The following TRERF1 variants were observed in gnomAD, a reference collection of about 807,000 sequenced individuals.
The protein encoded by TRERF1 is transcriptional regulating factor 1.
A neutral mutation model predicts 122.9 loss-of-function variants in TRERF1; 27 were observed. The observed-to-expected ratio is 0.22, with a 90% CI of 0.16 to 0.30. The LOEUF is 0.30. TRERF1 is among the 10% of genes least tolerant of loss of function. TRERF1 has a pLI of 1.00. For missense variants in TRERF1, 1,248 were observed against 1,560.3 expected, an observed-to-expected ratio of 0.80 and a Z score of 3.37; for synonymous variants, 636 against 641.7, an observed-to-expected ratio of 0.99 and a Z score of 0.13.
At chr6:42,359,557 C>G (rs1326591631) in intron 3 of TRERF1, among the ~76,000 whole-genome samples, 2 of 152,172 alleles carry the variant, frequency 1.3e-5, no homozygotes, top group East Asian at 3.9e-4. Flanking sequence ...AACCCCATCT[C>G]TACTAAAAAT....
rs967748111 is a variant in TRERF1 at position 42,318,260 on chromosome 6, G to A, written c.-370-17511C>T. ...TCCATATTCTCCAAGGTCTTATTTC[G>A]CTGAATACAAGTAGTTTTAAACCAG... is the stretch of plus-strand genomic sequence containing the variant. On this transcript the variant is annotated intron_variant, in intron 3 of 17. Transcript: ENST00000372922. 9.9e-5 allele frequency among the ~76,000 whole-genome samples: 15 copies of A among 152,032 alleles called. No individual in the cohort carries two copies. The South Asian group carries it at 1.0e-3, about 10-fold the overall frequency.
chr6:42,264,976 A>G, intron 6 of TRERF1, 122 bp from the exon 7 acceptor site: 9 of 1,087,540 alleles, frequency 8.3e-6, no homozygotes, highest in Non-Finnish European at 1.2e-5. Flanking sequence ...CCCATTGTCC[A>G]TGGCACCACT....
At chr6:42,443,157 CAT>C in intron 2 of TRERF1, among the ~76,000 whole-genome samples, 1 of 152,188 alleles carries the variant, frequency 6.6e-6, no homozygotes, top group East Asian at 1.9e-4. Context: ...ATCAACGACA[CAT>C]ATTTATTATA....
chr6:42,290,741 C>CTTTTTT (rs144168592), intron 4 of TRERF1, among the ~76,000 whole-genome samples: 74 of 92,398 alleles, frequency 8.0e-4, no homozygotes, highest in African/African-American at 1.3e-3. Context: ...CATTTCTTTC[C>CTTTTTT]TTTTTTTTTT....
chr6:42,388,018 G>A (rs2151212547), intron 2 of TRERF1, among the ~76,000 whole-genome samples: 1 of 152,176 alleles, frequency 6.6e-6, no homozygotes, highest in African/African-American at 2.4e-5. Flanking sequence ...TTGTTGCCCA[G>A]GCTGGCGATC....
intron 3 of TRERF1, among the ~76,000 whole-genome samples, chr6:42,308,189 C>G (rs1179686165): frequency 2.0e-5 from 3 of 152,156 alleles, no homozygotes; most frequent in African/African-American, 7.2e-5. Flanking sequence ...AAACATTATT[C>G]ACAGAGCTGA....
chr6:42,293,806 A>T (rs1784667260), intron 4 of TRERF1, among the ~76,000 whole-genome samples: 1 of 140,532 alleles, frequency 7.1e-6, no homozygotes, highest in Non-Finnish European at 1.5e-5. Context: ...ACCCGGACCA[A>T]ACAGAAAGAG....
At chr6:42,357,630 C>T (rs1770854443) in intron 3 of TRERF1, among the ~76,000 whole-genome samples, 1 of 152,306 alleles carries the variant, frequency 6.6e-6, no homozygotes, top group Middle Eastern at 3.4e-3. Flanking sequence ...AGGAAGGCAA[C>T]CAACTTGCTT....
chr6:42,422,013 C>CA (rs1306575198), intron 2 of TRERF1, among the ~76,000 whole-genome samples: 3 of 149,322 alleles, frequency 2.0e-5, no homozygotes, highest in Admixed American at 1.3e-4. Context: ...ACTAAAAATA[C>CA]AAAAAAAATT....
At chr6:42,402,301 C>T (rs529206086) in intron 2 of TRERF1, among the ~76,000 whole-genome samples, 26 of 152,150 alleles carry the variant, frequency 1.7e-4, no homozygotes, top group Non-Finnish European at 2.5e-4. Flanking sequence ...ATGCATCTGC[C>T]GGGCATCTGA....
chr6:42,253,876 GC>G (rs765411595), intron 13 of TRERF1, among the ~76,000 whole-genome samples: 9 of 152,204 alleles, frequency 5.9e-5, no homozygotes, highest in Non-Finnish European at 1.2e-4. Context: ...CACATATTTG[GC>G]ACCTGCCTAG....
chr6:42,233,833 A>AGG (rs1346280273), intron 16 of TRERF1, among the ~76,000 whole-genome samples: 1 of 152,218 alleles, frequency 6.6e-6, no homozygotes, highest in Non-Finnish European at 1.5e-5. Context: ...GACAGTGATT[A>AGG]GGTTTTCTGA....
intron 4 of TRERF1, among the ~76,000 whole-genome samples, chr6:42,277,824 AAAATAAAT>A (rs200299536): frequency 7.5e-6 from 1 of 132,920 alleles, no homozygotes; most frequent in African/African-American, 3.1e-5. Context: ...GCCCTATCTC[AAAATAAAT>A]AAATAAATAA....
chr6:42,377,813 T>C (rs193155412), intron 2 of TRERF1, among the ~76,000 whole-genome samples: 2 of 152,278 alleles, frequency 1.3e-5, no homozygotes, highest in African/African-American at 4.8e-5. Context: ...GCCTCTCAAA[T>C]TGTGTTATAT....
At chr6:42,333,401 C>T (rs1765573263) in intron 3 of TRERF1, among the ~76,000 whole-genome samples, 1 of 152,108 alleles carries the variant, frequency 6.6e-6, no homozygotes, top group African/African-American at 2.4e-5. Flanking sequence ...GTCGGACATC[C>T]CAGGGGATGT....
At chr6:42,242,604 C>G (rs1384224992) in intron 15 of TRERF1, among the ~76,000 whole-genome samples, 7 of 152,200 alleles carry the variant, frequency 4.6e-5, no homozygotes, top group African/African-American at 9.7e-5. Flanking sequence ...ATCAAAGCCA[C>G]ACATACAGGG....
At chr6:42,300,571 C>T (rs150850487) in intron 4 of TRERF1, 67 bp downstream of exon 4, 1 of 152,736 alleles carries the variant, frequency 6.5e-6, no homozygotes, top group African/African-American at 2.4e-5. Flanking sequence ...ATTACAAATG[C>T]ATACAGAAAG....
intron 2 of TRERF1, among the ~76,000 whole-genome samples, chr6:42,408,377 T>C (rs1229104837): frequency 8.2e-5 from 11 of 134,196 alleles, no homozygotes; most frequent in East Asian, 4.2e-4. Flanking sequence ...ATATATCTTT[T>C]TTTTTTTTTT....
exon 14 of TRERF1, chr6:42,246,523 A>G (rs759471906): frequency 6.2e-7 from 1 of 1,604,734 alleles, no homozygotes; most frequent in Non-Finnish European, 8.5e-7. Context: ...TTTTCTTTCT[A>G]GGGAGGTCCA....
Sources: allele counts gnomAD v4.1 joint callset (sites outside exome capture counted in the v4.1 genomes callset), GRCh38; gene constraint gnomAD v4.1.1; transcripts MANE v1.5; gene names NCBI Gene and HGNC (gene_info 2026-07-23, HGNC 2026-07-21).